GJB3: variants seen among roughly 807,000 people sequenced by gnomAD.
GJB3 encodes the protein gap junction beta-3 protein.
Under a neutral mutation model 8.1 loss-of-function variants are expected in GJB3, and 6 were observed. That is an observed-to-expected ratio of 0.75 (90% confidence interval 0.41 to 1.47). The LOEUF is 1.47. Among genes scored for constraint, GJB3 ranks in the 40% most tolerant of loss-of-function variants. The pLI is 0.02. For missense variants in GJB3, 348 were observed against 365.6 expected, an observed-to-expected ratio of 0.95 and a Z score of 0.39; for synonymous variants, 137 against 156.4, an observed-to-expected ratio of 0.88 and a Z score of 0.93.
Position 34,785,383 on chromosome 1 carries a change from C to T in GJB3, c.621C>T (p.Cys207=). The change falls in exon 2 of 2, where the codon TGC becomes TGT. Residue 207 remains cysteine, a synonymous_variant. Transcript: ENST00000373366. The surrounding 1 kb of genome is among the most constrained non-coding windows in gnomAD (Gnocchi z 4.7). The part of the protein sequence containing the change: ...VCIVLTICEL[C]YLICHRVLRG... ...TCGTACTCACCATCTGTGAGCTCTG[C>T]TACCTCATCTGCCACAGGGTCCTGC... is the stretch of plus-strand genomic sequence containing the variant. 1 of 1,614,166 alleles carries T rather than the reference C, an allele frequency of 6.2e-7. No individual in the cohort carries two copies. Among genetic ancestry groups the T allele is most frequent in the Non-Finnish European group, 8.5e-7 (1 of 1,180,026 alleles).
chr1:34,785,289 G>A lies in GJB3; in HGVS notation c.527G>A (p.Cys176Tyr). ...GCCCCCTGCCCCAACATCGTGGACT[G>A]CTACATTGCCCGACCTACCGAGAAG... The part of the protein sequence containing the change: ...NVAPCPNIVD[C>Y]YIARPTEKKI... The change falls in exon 2 of 2, where the codon TGC (cysteine) becomes TAC (tyrosine). Residue 176 changes from cysteine to tyrosine, a missense_variant. By Grantham distance (194) the Cys-to-Tyr change is radical. Coordinates refer to ENST00000373366, the MANE Select transcript of GJB3 (RefSeq NM_024009.3). The surrounding 1 kb of genome is among the most constrained non-coding windows in gnomAD (Gnocchi z 4.7). 2 of 1,613,226 alleles carry A rather than the reference G, an allele frequency of 1.2e-6. No individual in the cohort carries two copies. The highest frequency in any genetic ancestry group is 2.2e-5 in the East Asian group (1 of 44,822).
At chr1:34,782,817 TCCCCCTGACCAGGCTG>T (rs1553168163) in intron 1 of GJB3, among the ~76,000 whole-genome samples, 1 of 151,264 alleles carries the variant, frequency 6.6e-6, no homozygotes, top group South Asian at 2.1e-4. Context: ...TTTCCCCCAA[TCCCCCTGACCAGGCTG>T]CCCCCTGACC....
Position 34,785,161 on chromosome 1 carries a change from C to T in GJB3, c.399C>T (p.Phe133=). ...KHGGLWWTYL[F]SLIFKLIIEF... Reference sequence around the variant, plus strand: ...GAGGCCTGTGGTGGACCTACCTGTTCAGCCTCATCTTCAAGCTCATCATTG... The same window carrying T: ...GAGGCCTGTGGTGGACCTACCTGTTTAGCCTCATCTTCAAGCTCATCATTG... Residue 133 remains phenylalanine (F), a synonymous_variant, in exon 2 of 2, where the codon TTC becomes TTT. Transcript: ENST00000373366. The surrounding 1 kb of genome is among the most constrained non-coding windows in gnomAD (Gnocchi z 4.7). 6.2e-7 allele frequency: 1 copy of T among 1,614,170 alleles called. No homozygotes were observed.
chr1:34,785,945 C>A lies in GJB3; in HGVS notation c.*370C>A, dbSNP rs1173323239. 3 of 283,940 alleles carry A rather than the reference C, an allele frequency of 1.1e-5. No homozygotes were observed. Among genetic ancestry groups the A allele is most frequent in the African/African-American group, 2.2e-5 (1 of 44,662 alleles). The allele number at this position is 283,940 out of a possible 1,614,324, so 17.6% of individuals were successfully genotyped here. A position where few individuals can be genotyped will look rare whatever the true frequency, so the allele number is the denominator to read the frequency against. Reference sequence around the variant, plus strand: ...TAATGTGTAAGAGAGGTGAGAAGTGCTCCCAAGCAGACACAACAGCAGCAC... The same window carrying A: ...TAATGTGTAAGAGAGGTGAGAAGTGATCCCAAGCAGACACAACAGCAGCAC... On this transcript the variant is annotated 3_prime_UTR_variant, in exon 2 of 2. Transcript: ENST00000373366. This position sits in a 1 kb window ranked among gnomAD's most constrained non-coding sequence, Gnocchi z 4.7.
chr1:34,784,571 G>A (rs1207811659), intron 1 of GJB3, among the ~76,000 whole-genome samples, 167 bp from the exon 2 acceptor site: 2 of 152,160 alleles, frequency 1.3e-5, no homozygotes, highest in Non-Finnish European at 2.9e-5. Context: ...TAACCTTGCT[G>A]TGCCTCAGTT....
At position 34,784,939 on chromosome 1, in the gene GJB3, C is replaced by A. The variant is rs780675578; in HGVS notation, c.177C>A (p.Gly59=). The A allele has an allele frequency of 3.7e-5, 59 of 1,614,116 alleles. No homozygotes were observed. The highest frequency in any genetic ancestry group is 8.3e-5 in the Admixed American group (5 of 60,012). Residue 59 remains glycine, a synonymous_variant, in exon 2 of 2, where the codon GGC becomes GGA. Coordinates refer to ENST00000373366, the MANE Select transcript of GJB3 (RefSeq NM_024009.3). ...KDFDCNTKQP[G]CTNVCYDNYF... ...TTGACTGCAACACCAAGCAGCCCGG[C>A]TGCACCAACGTCTGCTACGACAACT... is the stretch of plus-strand genomic sequence containing the variant.
rs1044671546 is a variant in GJB3 at position 34,781,616 on chromosome 1, G to C, written c.-188G>C. 3.3e-5 allele frequency: 5 copies of C among 152,276 alleles called. No individual in the cohort carries two copies. The highest frequency in any genetic ancestry group is 1.2e-4 in the African/African-American group (5 of 41,454). The allele number at this position is 152,276 out of a possible 1,614,324, so 9.4% of individuals were successfully genotyped here. A position where few individuals can be genotyped will look rare whatever the true frequency, so the allele number is the denominator to read the frequency against. ...GGCTGGCCCGGGAGCGCCTGGCAGC[G>C]TCGGGTCTAGGAGCCGGCTCCCTCC... On this transcript the variant is annotated 5_prime_UTR_variant, in exon 1 of 2. Transcript: ENST00000373366. The surrounding 1 kb of genome is among the most constrained non-coding windows in gnomAD (Gnocchi z 6.2).
rs146045525 is a variant in GJB3 at position 34,784,466 on chromosome 1, G to A, written c.-25-272G>A. On this transcript the variant is annotated intron_variant, in intron 1 of 1. Coordinates refer to ENST00000373366, the MANE Select transcript of GJB3 (RefSeq NM_024009.3). ...AGTGTTTAACTTCATGCCTGACTCT[G>A]AGTAAACACTCAATAAATGGTGATT... Among the ~76,000 whole-genome samples the A allele has an allele frequency of 1.3e-3, 196 of 152,344 alleles. 1 individual carries two copies. The highest frequency in any genetic ancestry group is 4.3e-3 in the African/African-American group (179 of 41,584).
At chr1:34,782,677 G>T (rs1282932281) in intron 1 of GJB3, among the ~76,000 whole-genome samples, 2 of 152,082 alleles carry the variant, frequency 1.3e-5, no homozygotes, top group Non-Finnish European at 2.9e-5. Flanking sequence ...GAAGAGGAGG[G>T]TTTCCAAGAA....
At position 34,785,609 on chromosome 1, in the gene GJB3, C is replaced by T. The variant is rs778214065; in HGVS notation, c.*34C>T. 3.2e-6 allele frequency: 5 copies of T among 1,559,368 alleles called. No individual in the cohort carries two copies. On this transcript the variant is annotated 3_prime_UTR_variant, in exon 2 of 2. Coordinates refer to ENST00000373366, the MANE Select transcript of GJB3 (RefSeq NM_024009.3). The surrounding 1 kb of genome is among the most constrained non-coding windows in gnomAD (Gnocchi z 4.7). ...CAGGGGTGGGGCAACATGCGGGCTG[C>T]CAATGGGACATGCAGGGCGGTGTGG...
rs997585364 is a variant in GJB3, at chr1:34,786,363, T to C, written c.*788T>C. 1.0e-4 allele frequency: 17 copies of C among 167,184 alleles called. No homozygotes were observed. The highest frequency in any genetic ancestry group is 4.1e-4 in the African/African-American group (17 of 41,468). 10.4% of individuals were successfully genotyped at this position (167,184 alleles called of 1,614,324 possible). Reference sequence around the variant, plus strand: ...TGAAATCAATAAATACTGTGTTTTATACAGGTTGGCTCTGTCTCTGGTTCT... The same window carrying C: ...TGAAATCAATAAATACTGTGTTTTACACAGGTTGGCTCTGTCTCTGGTTCT... On this transcript the variant is annotated 3_prime_UTR_variant, in exon 2 of 2. Coordinates refer to ENST00000373366, the MANE Select transcript of GJB3 (RefSeq NM_024009.3). The surrounding 1 kb of genome is among the most constrained non-coding windows in gnomAD (Gnocchi z 4.4).
chr1:34,783,257 A>G (rs1440346881), intron 1 of GJB3, among the ~76,000 whole-genome samples: 2 of 152,132 alleles, frequency 1.3e-5, no homozygotes, highest in African/African-American at 4.8e-5. Context: ...CAAAAAAAAA[A>G]AAGAAAGGGG....
chr1:34,785,332 C>T lies in GJB3; in HGVS notation c.570C>T (p.Phe190=), dbSNP rs1307706793. 3.7e-6 allele frequency: 6 copies of T among 1,613,896 alleles called. No individual in the cohort carries two copies. The highest frequency in any genetic ancestry group is 1.6e-4 in the Middle Eastern group (1 of 6,062). ...CCGAGAAGAAAATCTTCACCTACTT[C>T]ATGGTGGGCGCCTCCGCCGTCTGCA... ...RPTEKKIFTY[F]MVGASAVCIV... The change falls in exon 2 of 2, where the codon TTC becomes TTT. Residue 190 remains phenylalanine (F), a synonymous_variant. Coordinates refer to ENST00000373366, the MANE Select transcript of GJB3 (RefSeq NM_024009.3). The surrounding 1 kb of genome is among the most constrained non-coding windows in gnomAD (Gnocchi z 4.7).
In GJB3 at chr1:34,785,009, T is replaced by C. The variant is rs757555087; in HGVS notation, c.247T>C (p.Phe83Leu). 3 of 1,614,050 alleles carry C rather than the reference T, an allele frequency of 1.9e-6. No homozygotes were observed. Among genetic ancestry groups the C allele is most frequent in the Non-Finnish European group, 2.5e-6 (3 of 1,180,030 alleles). The change falls in exon 2 of 2, where the codon TTC becomes CTC. Residue 83 changes from phenylalanine (F) to leucine (L), a missense_variant. Transcript: ENST00000373366. The surrounding 1 kb of genome is among the most constrained non-coding windows in gnomAD (Gnocchi z 4.7). ...NIRLWALQLI[F>L]VTCPSLLVIL... Reference sequence around the variant, plus strand: ...CCGCCTCTGGGCCCTGCAGCTCATCTTCGTCACATGCCCCTCGCTGCTGGT... The same window carrying C: ...CCGCCTCTGGGCCCTGCAGCTCATCCTCGTCACATGCCCCTCGCTGCTGGT...
chr1:34,784,279 C>G (rs534183233), intron 1 of GJB3, among the ~76,000 whole-genome samples: 1 of 152,206 alleles, frequency 6.6e-6, no homozygotes, highest in Non-Finnish European at 1.5e-5. Context: ...GACTTGACCT[C>G]TCTAAATTTC....
intron 1 of GJB3, among the ~76,000 whole-genome samples, chr1:34,783,681 G>A (rs1173491208): frequency 6.6e-6 from 1 of 152,108 alleles, no homozygotes; most frequent in Admixed American, 6.5e-5. Context: ...AGCTCCAGGG[G>A]GACTCACATG....
intron 1 of GJB3, among the ~76,000 whole-genome samples, chr1:34,784,003 C>T (rs1571579264): frequency 6.6e-6 from 1 of 152,160 alleles, no homozygotes; most frequent in Admixed American, 6.5e-5. Flanking sequence ...CACCCCCCAC[C>T]TGAACTGGTC....
rs753611094 is a variant in GJB3, at chr1:34,784,789, A to G, written c.27A>G (p.Leu9=). 4.3e-6 allele frequency: 7 copies of G among 1,614,166 alleles called. No homozygotes were observed. Among genetic ancestry groups the G allele is most frequent in the Non-Finnish European group, 5.9e-6 (7 of 1,180,026 alleles). MDWKTLQA[L]LSGVNKYSTA... is the part of the protein sequence containing the mutation. ...TGGACTGGAAGACACTCCAGGCCCT[A>G]CTGAGCGGTGTGAACAAGTACTCCA... is the stretch of plus-strand genomic sequence containing the variant. The change falls in exon 2 of 2, where the codon CTA becomes CTG. Residue 9 remains leucine (L), a synonymous_variant. Transcript: ENST00000373366.
intron 1 of GJB3, among the ~76,000 whole-genome samples, chr1:34,782,762 T>G (rs1484926291): frequency 6.6e-6 from 1 of 152,118 alleles, no homozygotes; most frequent in Non-Finnish European, 1.5e-5. Flanking sequence ...AGCCAGGTGC[T>G]GAGAAGGAAC....
Sources: allele counts gnomAD v4.1 joint callset (sites outside exome capture counted in the v4.1 genomes callset), GRCh38; gene constraint gnomAD v4.1.1; non-coding constraint Gnocchi (gnomAD v3.1); transcripts MANE v1.5; gene names NCBI Gene and HGNC (gene_info 2026-07-23, HGNC 2026-07-21).